Variants in ADARB2 observed in about 807,000 individuals in gnomAD.
ADARB2 encodes inactive double-stranded RNA-specific editase B2.
Under a neutral mutation model 62.2 loss-of-function variants are expected in ADARB2, and 25 were observed. The ratio of observed to expected loss-of-function variants is 0.40; its 90% CI spans 0.29 to 0.56. The LOEUF (loss-of-function observed/expected upper bound fraction) is 0.56. Ranked by LOEUF, ADARB2 falls within the 20% of genes least tolerant of loss-of-function variation. The pLI is 0.43. For synonymous variants in ADARB2, 572 were observed against 500.8 expected (o/e 1.14, Z -1.90); for missense variants, 1,071 against 1,077.4 (o/e 0.99, Z 0.08).
chr10:1,590,054 C>G (rs1304953295), intron 1 of ADARB2, among the ~76,000 whole-genome samples: 1 of 152,204 alleles, frequency 6.6e-6, no homozygotes, highest in Non-Finnish European at 1.5e-5. Flanking sequence ...AGTGTCCAGG[C>G]CCCTGTGGGC....
At chr10:1,299,232 C>A (rs957093776) in intron 3 of ADARB2, among the ~76,000 whole-genome samples, 8 of 151,924 alleles carry the variant, frequency 5.3e-5, no homozygotes, top group African/African-American at 9.7e-5. Flanking sequence ...GGGAAACCCA[C>A]AAGCAGAGCC....
At chr10:1,657,683 A>G (rs750647444) in intron 1 of ADARB2, among the ~76,000 whole-genome samples, 1 of 152,206 alleles carries the variant, frequency 6.6e-6, no homozygotes, top group Non-Finnish European at 1.5e-5. Flanking sequence ...TAAATGCAGT[A>G]TGTCCTCTAA....
At chr10:1,515,599 C>T (rs1011955029) in intron 1 of ADARB2, among the ~76,000 whole-genome samples, 4 of 152,232 alleles carry the variant, frequency 2.6e-5, no homozygotes, top group African/African-American at 7.2e-5. Context: ...AGAGTGACCC[C>T]GTTCTTGGAG....
At chr10:1,273,582 G>A (rs1589173407) in intron 3 of ADARB2, among the ~76,000 whole-genome samples, 1 of 152,236 alleles carries the variant, frequency 6.6e-6, no homozygotes, top group Non-Finnish European at 1.5e-5. Context: ...TGGCTGTGAG[G>A]TTGTCCGGCC....
Position 1,647,800 on chromosome 10 carries a change from ATATG to A in ADARB2, c.100+89247_100+89250del, listed in dbSNP as rs895118366. On this transcript the variant is annotated intron_variant, in intron 1 of 9. Coordinates refer to ENST00000381312, the MANE Select transcript of ADARB2 (RefSeq NM_018702.4). ...TGTGTATATATGTGTATGCATGTGT[ATATG>A]TGTGTGTGTATGCATGTGTGTATAT... 2.1e-4 allele frequency among the ~76,000 whole-genome samples: 30 copies of A among 140,550 alleles called. No individual in the cohort carries two copies. In the South Asian group the frequency reaches 4.0e-3, roughly 19 times the overall value. 92.2% of individuals were successfully genotyped at this position (140,550 alleles called of 152,430 possible).
At chr10:1,686,002 C>A (rs7923362) in intron 1 of ADARB2, among the ~76,000 whole-genome samples, 150,111 of 152,374 alleles carry the variant, frequency 0.99, 73,978 homozygotes, top group East Asian at 1. Context: ...CCTTCCCGGA[C>A]TGGCTTCTGT....
intron 1 of ADARB2, among the ~76,000 whole-genome samples, chr10:1,660,340 GAAATTAT>G (rs1834229964): frequency 6.6e-6 from 1 of 152,206 alleles, no homozygotes; most frequent in Non-Finnish European, 1.5e-5. Context: ...CTCTGTGTCA[GAAATTAT>G]TAATTATTAA....
At chr10:1,293,558 C>T (rs969829551) in intron 3 of ADARB2, among the ~76,000 whole-genome samples, 13 of 152,198 alleles carry the variant, frequency 8.5e-5, no homozygotes, top group African/African-American at 2.9e-4. Context: ...AAGGCTCAGT[C>T]ATGCTGGACA....
intron 1 of ADARB2, among the ~76,000 whole-genome samples, chr10:1,619,994 T>G (rs1175708888): frequency 2.0e-5 from 3 of 152,086 alleles, no homozygotes; most frequent in African/African-American, 7.2e-5. Flanking sequence ...GAAAAAAATT[T>G]AACTGCACTA....
intron 1 of ADARB2, among the ~76,000 whole-genome samples, chr10:1,603,017 CAT>C (rs146666296): frequency 0.23 from 35,496 of 151,540 alleles, 4,237 homozygotes; most frequent in Non-Finnish European, 0.25. Flanking sequence ...TGTACACACA[CAT>C]ACACACATCA....
chr10:1,580,975 C>T (rs1251493857), intron 1 of ADARB2, among the ~76,000 whole-genome samples: 1 of 152,210 alleles, frequency 6.6e-6, no homozygotes, highest in African/African-American at 2.4e-5. Context: ...ATTCCCTCAC[C>T]CACTGAAGGG....
chr10:1,567,930 G>A (rs927375572), intron 1 of ADARB2, among the ~76,000 whole-genome samples: 2 of 152,102 alleles, frequency 1.3e-5, no homozygotes, highest in African/African-American at 2.4e-5. Context: ...TCCTGCCTGC[G>A]GGAGCAGCTC....
intron 1 of ADARB2, among the ~76,000 whole-genome samples, chr10:1,628,361 C>G (rs1334034691): frequency 6.6e-6 from 1 of 152,226 alleles, no homozygotes; most frequent in Non-Finnish European, 1.5e-5. Flanking sequence ...CACTGTTCAG[C>G]GCTTGCTAGG....
chr10:1,357,298 C>T (rs1832205169), intron 3 of ADARB2, among the ~76,000 whole-genome samples: 1 of 152,106 alleles, frequency 6.6e-6, no homozygotes. Flanking sequence ...GTTAGTGTCC[C>T]CACCCTAGGA....
rs182662750 is a variant in ADARB2 at position 1,485,767 on chromosome 10, C to G, written c.101-106607G>C. Among the ~76,000 whole-genome samples, 45 of 152,322 alleles carry G rather than the reference C, an allele frequency of 3.0e-4. 1 individual carries two copies. The highest frequency in any genetic ancestry group is 9.1e-4 in the African/African-American group (38 of 41,566). On this transcript the variant is annotated intron_variant, in intron 1 of 9. Coordinates refer to ENST00000381312, the MANE Select transcript of ADARB2 (RefSeq NM_018702.4). ...GGGGTGAGAATGAGGCAGCCCTGAT[C>G]CCCCATGTTCATTCCTCTGTCTCAC...
At chr10:1,662,275 T>C (rs541179845) in intron 1 of ADARB2, among the ~76,000 whole-genome samples, 4 of 152,250 alleles carry the variant, frequency 2.6e-5, no homozygotes, top group Non-Finnish European at 5.9e-5. Flanking sequence ...GAGGAATTCA[T>C]CCAGGCAGCC....
At chr10:1,382,781 C>G (rs2131861854) in intron 1 of ADARB2, among the ~76,000 whole-genome samples, 1 of 151,948 alleles carries the variant, frequency 6.6e-6, no homozygotes, top group South Asian at 2.1e-4. Flanking sequence ...GCTCCCCACG[C>G]TACCGCCGCC....
At chr10:1,586,196 T>C (rs1833178481) in intron 1 of ADARB2, among the ~76,000 whole-genome samples, 1 of 152,220 alleles carries the variant, frequency 6.6e-6, no homozygotes, top group African/African-American at 2.4e-5. Context: ...CTCAGGTATT[T>C]TCTGTTCACA....
intron 4 of ADARB2, among the ~76,000 whole-genome samples, chr10:1,266,372 C>T (rs1438689677): frequency 1.3e-5 from 2 of 152,210 alleles, no homozygotes; most frequent in East Asian, 1.9e-4. Flanking sequence ...AAGCATCCTG[C>T]TCTCTGGGGA....
Sources: gnomAD v4.1 joint callset for allele counts (sites outside exome capture counted in the v4.1 genomes callset) on GRCh38, gnomAD v4.1.1 for gene constraint, MANE v1.5 for transcripts, NCBI Gene and HGNC (gene_info 2026-07-23, HGNC 2026-07-21) for gene names.